The following ELL variants were observed in gnomAD, a reference collection of about 807,000 sequenced individuals.
ELL encodes RNA polymerase II elongation factor ELL.
In ELL, 18 loss-of-function variants were observed where a neutral mutation model predicts 64.0. The observed-to-expected ratio is 0.28, with a 90% CI of 0.19 to 0.42. ELL has a LOEUF of 0.42. Among genes scored for constraint, ELL ranks in the 10% least tolerant of loss-of-function variants. ELL has a pLI of 1.00. For missense variants in ELL, 797 were observed against 870.4 expected, an observed-to-expected ratio of 0.92 and a Z score of 1.06; for synonymous variants, 399 against 376.2, an observed-to-expected ratio of 1.06 and a Z score of -0.70.
At chr19:18,477,644 A>G (rs1029116842) in intron 1 of ELL, among the ~76,000 whole-genome samples, 1 of 152,194 alleles carries the variant, frequency 6.6e-6, no homozygotes, top group African/African-American at 2.4e-5. Context: ...AAACACCGCC[A>G]GACCACAATT....
At chr19:18,451,267 C>G (rs1252420646) in intron 7 of ELL, among the ~76,000 whole-genome samples, 1 of 152,218 alleles carries the variant, frequency 6.6e-6, no homozygotes, top group Non-Finnish European at 1.5e-5. Flanking sequence ...CCAGTGATAA[C>G]TGTGACACAG....
intron 1 of ELL, among the ~76,000 whole-genome samples, chr19:18,516,456 T>C (rs1238722683): frequency 2.0e-5 from 3 of 152,200 alleles, no homozygotes; most frequent in African/African-American, 7.2e-5. Flanking sequence ...TGAGTTACTC[T>C]TGCTAATTTC....
chr19:18,516,424 C>G (rs112586237), intron 1 of ELL, among the ~76,000 whole-genome samples: 2,096 of 152,308 alleles, frequency 0.014, 20 homozygotes, highest in African/African-American at 0.031. Context: ...TACCCCTCAC[C>G]ATCATTAACG....
At chr19:18,506,565 T>C (rs538626233) in intron 1 of ELL, among the ~76,000 whole-genome samples, 2 of 152,236 alleles carry the variant, frequency 1.3e-5, no homozygotes, top group African/African-American at 4.8e-5. Flanking sequence ...TGTCTCCATA[T>C]AAATAAAAAA....
At chr19:18,519,096 G>T (rs957558040) in intron 1 of ELL, among the ~76,000 whole-genome samples, 9 of 151,332 alleles carry the variant, frequency 5.9e-5, no homozygotes, top group Non-Finnish European at 1.3e-4. Flanking sequence ...GGCACGGTTG[G>T]TCACGCCTGT....
At chr19:18,471,930 A>C (rs960842287) in intron 2 of ELL, among the ~76,000 whole-genome samples, 4 of 151,984 alleles carry the variant, frequency 2.6e-5, no homozygotes, top group Non-Finnish European at 5.9e-5. Context: ...CCTTTTTGGC[A>C]CCAGCGACTA....
At position 18,444,453 on chromosome 19, in the gene ELL, C is replaced by T. The variant is rs941873068; in HGVS notation, c.*299G>A. Reference sequence around the variant, plus strand: ...ACTAGAAAAGGCAGGCGCGCCACCCCAAGGGCCTAGGAGTCTTCTGGCGAG... The same window carrying T: ...ACTAGAAAAGGCAGGCGCGCCACCCTAAGGGCCTAGGAGTCTTCTGGCGAG... On this transcript the variant is annotated 3_prime_UTR_variant, in exon 12 of 12. Transcript: ENST00000262809. 8.7e-6 allele frequency: 3 copies of T among 346,234 alleles called. No individual in the cohort carries two copies. Among genetic ancestry groups the T allele is most frequent in the Admixed American group, 4.4e-5 (1 of 22,858 alleles). The allele number at this position is 346,234 out of a possible 1,614,324, so 21.4% of individuals were successfully genotyped here.
rs1555732678 is a variant in ELL, at chr19:18,462,364, T to TGTGTGTGTGTG, written c.470-513_470-512insCACACACACAC. Among the ~76,000 whole-genome samples, 245 of 49,136 alleles carry TGTGTGTGTGTG rather than the reference T, an allele frequency of 5.0e-3. 17 individuals carry two copies. Among genetic ancestry groups the TGTGTGTGTGTG allele is most frequent in the African/African-American group, 0.016 (95 of 5,788 alleles). 32.2% of individuals were successfully genotyped at this position (49,136 alleles called of 152,430 possible). A position where few individuals can be genotyped will look rare whatever the true frequency, so the allele number is the denominator to read the frequency against. ...GTGTGTGTGTGTGTGTGTGTGTGTG[T>TGTGTGTGTGTG]TTGGGCGGGGGGCGGGGGGGGAAGG... On this transcript the variant is annotated intron_variant, in intron 4 of 11. Transcript: ENST00000262809.
intron 10 of ELL, 167 bp downstream of exon 10, chr19:18,446,142 G>T: frequency 3.4e-6 from 3 of 872,834 alleles, no homozygotes; most frequent in Middle Eastern, 3.6e-4. Context: ...CCCCAGGGCC[G>T]GGCCAGAACC....
chr19:18,488,111 G>C (rs771268004), intron 1 of ELL, among the ~76,000 whole-genome samples: 1 of 152,238 alleles, frequency 6.6e-6, no homozygotes, highest in Non-Finnish European at 1.5e-5. Flanking sequence ...CATGCCTGAA[G>C]GCACCCGGCA....
rs968640928 is a variant in ELL at position 18,497,710 on chromosome 19, G to A, written c.135+24211C>T. Among the ~76,000 whole-genome samples the A allele has an allele frequency of 6.0e-5, 9 of 151,110 alleles. No homozygotes were observed. The South Asian group carries it at 1.0e-3, about 18-fold the overall frequency. ...CATACACCTGTGGTCCCAGCTACCC[G>A]GGAGGCTGGGGTGGGAGGATCACCT... On this transcript the variant is annotated intron_variant, in intron 1 of 11. Transcript: ENST00000262809.
intron 8 of ELL, among the ~76,000 whole-genome samples, chr19:18,450,196 C>T (rs1037930626): frequency 6.6e-6 from 1 of 152,260 alleles, no homozygotes; most frequent in Admixed American, 6.5e-5. Context: ...CTTCTGCGGC[C>T]TCAGTTCCCC....
intron 8 of ELL, 105 bp downstream of exon 8, chr19:18,450,372 C>A: frequency 1.3e-6 from 2 of 1,507,226 alleles, no homozygotes; most frequent in South Asian, 1.3e-5. Context: ...AGGGTCCCCT[C>A]CCCTGGCTTC....
At position 18,458,209 on chromosome 19, in the gene ELL, C is replaced by T. The variant is rs575679241; in HGVS notation, c.865G>A (p.Val289Ile). 2.2e-5 allele frequency: 36 copies of T among 1,609,452 alleles called. No individual in the cohort carries two copies. Among genetic ancestry groups the T allele is most frequent in the African/African-American group, 9.3e-5 (7 of 75,038 alleles). The change falls in exon 6 of 12, where the codon GTC (valine) becomes ATC (isoleucine). Residue 289 changes from valine (V) to isoleucine (I), a missense_variant. Physicochemically the swap from Val to Ile is conservative, Grantham distance 29 (BLOSUM62 3). Coordinates refer to ENST00000262809, the MANE Select transcript of ELL (RefSeq NM_006532.4). ...GGGGATGGGAGGCGGCATTACCGGA[C>T]GAGCACCCGCTTCAGCAGCTGCTGG... ...GDQQLLKRVLVRKLCQPQSTG... is the reference protein window; with the variant it reads ...GDQQLLKRVLIRKLCQPQSTG...
rs776676948 is a variant in ELL at position 18,461,665 on chromosome 19, G to A, written c.657C>T (p.Pro219=). ...GCAGCAGCAGCTCAGCCTTGCGGTA[G>A]GGCCGTAGTGCCAGGAGGTGCAGCA... ...DRVLHLLALR[P]YRKAELLLRL... The change falls in exon 5 of 12, where the codon CCC becomes CCT. Residue 219 remains proline, a synonymous_variant. Transcript: ENST00000262809. The A allele has an allele frequency of 6.2e-7, 1 of 1,613,100 alleles. No homozygotes were observed. The highest frequency in any genetic ancestry group is 8.5e-7 in the Non-Finnish European group (1 of 1,179,980).
intron 4 of ELL, among the ~76,000 whole-genome samples, chr19:18,462,179 A>AGTGTGT (rs758119031): frequency 0.015 from 1,746 of 120,054 alleles, 18 homozygotes; most frequent in Non-Finnish European, 0.018. Flanking sequence ...TCTGGTGGGC[A>AGTGTGT]GTGTGTGTGT....
At chr19:18,503,436 GCTGCCCGTA>G (rs906549166) in intron 1 of ELL, among the ~76,000 whole-genome samples, 26 of 152,244 alleles carry the variant, frequency 1.7e-4, no homozygotes, top group African/African-American at 6.3e-4. Context: ...GAGGAACTGA[GCTGCCCGTA>G]CTGGGAATCC....
intron 1 of ELL, among the ~76,000 whole-genome samples, chr19:18,496,181 G>A (rs1975649846): frequency 6.6e-6 from 1 of 152,220 alleles, no homozygotes; most frequent in South Asian, 2.1e-4. Context: ...GCACCTTTCA[G>A]TACTACTGGG....
At chr19:18,496,122 G>C (rs747766102) in intron 1 of ELL, among the ~76,000 whole-genome samples, 3 of 152,208 alleles carry the variant, frequency 2.0e-5, no homozygotes, top group Non-Finnish European at 4.4e-5. Context: ...CCCTCCTTAT[G>C]GATGGGGAAA....
Sources: gnomAD v4.1 joint callset for allele counts (sites outside exome capture counted in the v4.1 genomes callset) on GRCh38, gnomAD v4.1.1 for gene constraint, MANE v1.5 for transcripts, NCBI Gene and HGNC (gene_info 2026-07-23, HGNC 2026-07-21) for gene names.